Variants in ELFN2 observed in about 807,000 individuals in gnomAD.
ELFN2 encodes protein phosphatase 1 regulatory subunit 29.
In ELFN2, 17 loss-of-function variants were observed where a neutral mutation model predicts 45.5. The observed-to-expected ratio is 0.37, with a 90% CI of 0.26 to 0.56. ELFN2 has a LOEUF of 0.56. ELFN2 is among the 20% of genes least tolerant of loss of function. The pLI is 0.77. For synonymous variants in ELFN2, 550 were observed against 551.5 expected (o/e 1.00, Z 0.04); for missense variants, 922 against 1,183.2 (o/e 0.78, Z 3.24).
intron 2 of ELFN2, among the ~76,000 whole-genome samples, chr22:37,400,926 T>G (rs1192726073): frequency 6.6e-6 from 1 of 152,262 alleles, no homozygotes; most frequent in African/African-American, 2.4e-5. Flanking sequence ...ACAGGTTAAG[T>G]ATTTCATTCA....
At chr22:37,410,755 G>C (rs9610745) in intron 2 of ELFN2, among the ~76,000 whole-genome samples, 1 of 152,144 alleles carries the variant, frequency 6.6e-6, no homozygotes, top group Non-Finnish European at 1.5e-5. Flanking sequence ...GAGGATGATC[G>C]GGCCGGAGCC....
intron 1 of ELFN2, among the ~76,000 whole-genome samples, chr22:37,426,155 G>C (rs1470035518): frequency 6.6e-6 from 1 of 152,042 alleles, no homozygotes; most frequent in South Asian, 2.1e-4. Context: ...TGCTGGGTGG[G>C]AGGAGTCCAG....
At chr22:37,420,334 G>C (rs1252973512) in intron 1 of ELFN2, 1 of 152,094 alleles carries the variant, frequency 6.6e-6, no homozygotes, top group Non-Finnish European at 1.5e-5. Flanking sequence ...TCCAGACCCA[G>C]GTCTGCCTCC....
chr22:37,362,296 G>A (rs13055170), intron 1 of ELFN2, among the ~76,000 whole-genome samples: 50,454 of 152,078 alleles, frequency 0.33, 9,512 homozygotes, highest in Admixed American at 0.55. Context: ...CCCGTCTCTG[G>A]GTTATAATCT....
At chr22:37,415,225 T>C (rs1485672390) in intron 2 of ELFN2, among the ~76,000 whole-genome samples, 1 of 152,204 alleles carries the variant, frequency 6.6e-6, no homozygotes, top group Non-Finnish European at 1.5e-5. Context: ...GATGCCAAAA[T>C]GGTAGACAGG....
chr22:37,425,672 T>A (rs1932842151), intron 1 of ELFN2, among the ~76,000 whole-genome samples: 2 of 152,154 alleles, frequency 1.3e-5, no homozygotes, highest in South Asian at 4.1e-4. Flanking sequence ...TCTTCCTGCC[T>A]AGGCGTTGAT....
chr22:37,381,782 G>A (rs1305630527), intron 2 of ELFN2, among the ~76,000 whole-genome samples: 1 of 151,868 alleles, frequency 6.6e-6, no homozygotes, highest in African/African-American at 2.4e-5. Flanking sequence ...TGGAGTGAGA[G>A]CTCCAGGCTA....
intron 2 of ELFN2, among the ~76,000 whole-genome samples, chr22:37,402,071 GT>G (rs1169043851): frequency 1.3e-5 from 2 of 152,184 alleles, no homozygotes; most frequent in Non-Finnish European, 2.9e-5. Flanking sequence ...CCTCTCTGTG[GT>G]TTAATTGCCT....
chr22:37,401,906 TCCGTCTTCC>T (rs1307717160), intron 2 of ELFN2, among the ~76,000 whole-genome samples: 2 of 152,244 alleles, frequency 1.3e-5, no homozygotes, highest in African/African-American at 4.8e-5. Context: ...GCTTGTCTTT[TCCGTCTTCC>T]ATCTTTCCCT....
intron 1 of ELFN2, chr22:37,353,062 A>G (rs1425194089): frequency 2.0e-5 from 3 of 150,784 alleles, no homozygotes; most frequent in Non-Finnish European, 4.5e-5. Flanking sequence ...TGCCCATGAC[A>G]GCAGTAAGCC....
At chr22:37,377,837 T>A (rs970797235) in intron 2 of ELFN2, among the ~76,000 whole-genome samples, 5 of 152,184 alleles carry the variant, frequency 3.3e-5, no homozygotes, top group African/African-American at 1.2e-4. Flanking sequence ...TGCAAAGGTC[T>A]CAGGGCTGCA....
At chr22:37,381,500 T>G (rs916379340) in intron 2 of ELFN2, among the ~76,000 whole-genome samples, 1 of 151,864 alleles carries the variant, frequency 6.6e-6, no homozygotes, top group East Asian at 1.9e-4. Context: ...AGAATCCCCA[T>G]AATCCACCTG....
chr22:37,369,439 G>C lies in ELFN2; in HGVS notation c.*3633C>G, dbSNP rs1316062314. ...AGCCTGGACACAGGCTGCTCCCACA[G>C]GCCTCCTGCACTGCCTCAGGAGGGG... On this transcript the variant is annotated 3_prime_UTR_variant, in exon 3 of 3. Coordinates refer to ENST00000402918, the MANE Select transcript of ELFN2 (RefSeq NM_052906.5). 6.6e-6 allele frequency: 1 copy of C among 152,256 alleles called. No individual in the cohort carries two copies. The highest frequency in any genetic ancestry group is 1.9e-4 in the East Asian group (1 of 5,176). 9.4% of individuals were successfully genotyped at this position (152,256 alleles called of 1,614,324 possible).
At chr22:37,385,749 C>A (rs1931930678) in intron 2 of ELFN2, among the ~76,000 whole-genome samples, 1 of 152,160 alleles carries the variant, frequency 6.6e-6, no homozygotes, top group African/African-American at 2.4e-5. Context: ...TGTACTTGAC[C>A]CCTGCCTGAC....
intron 1 of ELFN2, among the ~76,000 whole-genome samples, chr22:37,419,913 C>G (rs1177822974): frequency 6.6e-6 from 1 of 152,120 alleles, no homozygotes; most frequent in Non-Finnish European, 1.5e-5. Context: ...CGGCCCGCCC[C>G]GCCGCCAGCC....
At chr22:37,413,118 AT>A (rs1932692318) in intron 2 of ELFN2, among the ~76,000 whole-genome samples, 1 of 152,032 alleles carries the variant, frequency 6.6e-6, no homozygotes, top group African/African-American at 2.4e-5. Flanking sequence ...CAGGAAGAAA[AT>A]CCCGGCACAG....
chr22:37,361,445 C>T (rs752253797), intron 1 of ELFN2, among the ~76,000 whole-genome samples: 2 of 151,916 alleles, frequency 1.3e-5, no homozygotes, highest in Non-Finnish European at 2.9e-5. Flanking sequence ...CCAAGTGACG[C>T]CATCTCCCCT....
intron 2 of ELFN2, among the ~76,000 whole-genome samples, chr22:37,405,344 C>T (rs754535624): frequency 3.5e-4 from 53 of 152,112 alleles, no homozygotes; most frequent in Middle Eastern, 3.4e-3. Flanking sequence ...CCACCCACCT[C>T]GGCCTCCCAA....
chr22:37,374,001 C>T lies in ELFN2; in HGVS notation c.1534G>A (p.Asp512Asn). 1 of 1,613,074 alleles carries T rather than the reference C, an allele frequency of 6.2e-7. No individual in the cohort carries two copies. Among genetic ancestry groups the T allele is most frequent in the South Asian group, 1.1e-5 (1 of 91,080 alleles). Residue 512 changes from aspartate (D) to asparagine (N), a missense_variant, in exon 3 of 3, where the codon GAC becomes AAC. Transcript: ENST00000402918. ...TCATCCTCGGGCCGAGCCAGACCGT[C>T]CCCGCCGGCGCCTGTGCGCACCTCG... ...YIEVRTGAGG[D>N]GLARPEDDLP...
Sources: gnomAD v4.1 joint callset for allele counts (sites outside exome capture counted in the v4.1 genomes callset) on GRCh38, gnomAD v4.1.1 for gene constraint, MANE v1.5 for transcripts, NCBI Gene and HGNC (gene_info 2026-07-23, HGNC 2026-07-21) for gene names.